Variants in PREX1 observed in about 807,000 individuals in gnomAD.
PREX1 encodes phosphatidylinositol 3,4,5-trisphosphate-dependent Rac exchanger 1 protein.
Under a neutral mutation model 198.3 loss-of-function variants are expected in PREX1, and 41 were observed. That is an observed-to-expected ratio of 0.21 (90% confidence interval 0.16 to 0.27). PREX1 has a LOEUF of 0.27. Ranked by LOEUF, PREX1 falls within the 10% of genes least tolerant of loss-of-function variation. PREX1 has a pLI of 1.00. For missense variants in PREX1, 1,620 were observed against 2,200.7 expected, an observed-to-expected ratio of 0.74 and a Z score of 5.28; for synonymous variants, 843 against 887.2, an observed-to-expected ratio of 0.95 and a Z score of 0.89.
the PREX1 span, among the ~76,000 whole-genome samples, chr20:48,851,944 T>C: frequency 6.6e-6 from 1 of 152,146 alleles, no homozygotes; most frequent in South Asian, 2.1e-4. Flanking sequence ...ATGGGATTAT[T>C]TGCCAAAAAT....
chr20:48,737,049 A>G (rs1357838741), intron 3 of PREX1, among the ~76,000 whole-genome samples: 1 of 152,140 alleles, frequency 6.6e-6, no homozygotes, highest in East Asian at 1.9e-4. Context: ...AGGTGAATTT[A>G]TATTAAGGGA....
chr20:48,752,090 TA>T (rs2090136530), intron 1 of PREX1, among the ~76,000 whole-genome samples: 1 of 152,108 alleles, frequency 6.6e-6, no homozygotes, highest in South Asian at 2.1e-4. Context: ...GCCCCAGCAG[TA>T]TGCACTCGAG....
chr20:48,816,042 A>C (rs1306357569), intron 1 of PREX1, among the ~76,000 whole-genome samples: 6 of 151,586 alleles, frequency 4.0e-5, no homozygotes, highest in Non-Finnish European at 7.4e-5. Context: ...AAAAAAAAAA[A>C]AAAACAGAGA....
chr20:48,730,472 A>G (rs2090030283), intron 4 of PREX1, among the ~76,000 whole-genome samples: 1 of 152,068 alleles, frequency 6.6e-6, no homozygotes. Flanking sequence ...GATGCCGTTC[A>G]TAGACGATGC....
intron 7 of PREX1, among the ~76,000 whole-genome samples, chr20:48,697,120 C>T (rs1013583786): frequency 4.6e-5 from 7 of 152,086 alleles, no homozygotes; most frequent in Non-Finnish European, 1.0e-4. Flanking sequence ...CCTTTAGACA[C>T]AATTTAAGTG....
chr20:48,794,112 T>C (rs1003447427), intron 1 of PREX1, among the ~76,000 whole-genome samples: 1 of 151,992 alleles, frequency 6.6e-6, no homozygotes, highest in African/African-American at 2.4e-5. Flanking sequence ...AACACCCCCA[T>C]AATTTGGAGC....
At chr20:48,813,735 A>G (rs2090446698) in intron 1 of PREX1, among the ~76,000 whole-genome samples, 1 of 152,214 alleles carries the variant, frequency 6.6e-6, no homozygotes, top group Admixed American at 6.5e-5. Context: ...TGAAAAGAAC[A>G]TATTAAATTG....
chr20:48,783,908 ATG>A (rs58683347), intron 1 of PREX1, among the ~76,000 whole-genome samples: 2,461 of 152,296 alleles, frequency 0.016, 67 homozygotes, highest in African/African-American at 0.057. Context: ...TGTCCCCTCC[ATG>A]TCTTTATGGA....
chr20:48,786,040 T>C (rs1248244092), intron 1 of PREX1, among the ~76,000 whole-genome samples: 2 of 151,956 alleles, frequency 1.3e-5, no homozygotes, highest in African/African-American at 4.8e-5. Context: ...AGCGGGCTCA[T>C]GGATCACAGC....
intron 25 of PREX1, among the ~76,000 whole-genome samples, chr20:48,646,621 G>A (rs564701050): frequency 1.9e-4 from 29 of 151,388 alleles, no homozygotes; most frequent in Non-Finnish European, 3.1e-4. Context: ...CCTGGGAGGC[G>A]GAGGTTGAAG....
intron 1 of PREX1, among the ~76,000 whole-genome samples, chr20:48,818,737 A>T (rs2090470041): frequency 6.6e-6 from 1 of 152,232 alleles, no homozygotes; most frequent in Admixed American, 6.5e-5. Context: ...CGATCCCGCC[A>T]AACAGTTTTT....
At chr20:48,854,187 G>T in the PREX1 span, among the ~76,000 whole-genome samples, 1 of 152,114 alleles carries the variant, frequency 6.6e-6, no homozygotes, top group Non-Finnish European at 1.5e-5. Context: ...GTAGTGGTTG[G>T]GGGAGGGTAG....
At position 48,636,398 on chromosome 20, in the gene PREX1, G is replaced by T. The variant is rs891758750; in HGVS notation, c.4167+65C>A. On this transcript the variant is annotated intron_variant, in intron 32 of 39. Coordinates refer to ENST00000371941, the MANE Select transcript of PREX1 (RefSeq NM_020820.4). ...TGAGTAAGTGGGCAAGGGCTCCCTCGACCCGGCCTGGGCGGGCACCAGTGG... is the reference window on the plus strand; with the variant it reads ...TGAGTAAGTGGGCAAGGGCTCCCTCTACCCGGCCTGGGCGGGCACCAGTGG... The T allele has an allele frequency of 1.8e-5, 27 of 1,490,138 alleles. No homozygotes were observed. In the African/African-American group the frequency reaches 2.8e-4, roughly 15 times the overall value. 92.3% of individuals were successfully genotyped at this position (1,490,138 alleles called of 1,614,324 possible). A position where few individuals can be genotyped will look rare whatever the true frequency, so the allele number is the denominator to read the frequency against.
intron 1 of PREX1, among the ~76,000 whole-genome samples, chr20:48,780,745 C>T (rs959376648): frequency 6.6e-6 from 1 of 152,132 alleles, no homozygotes; most frequent in South Asian, 2.1e-4. Context: ...TATCACAGGC[C>T]AGACCCACCG....
intron 4 of PREX1, among the ~76,000 whole-genome samples, chr20:48,730,414 C>CAT (rs1491291539): frequency 2.8e-4 from 10 of 35,590 alleles, no homozygotes; most frequent in African/African-American, 2.7e-3. Flanking sequence ...CAAAAGCCAC[C>CAT]ACACACACAC....
the PREX1 span, among the ~76,000 whole-genome samples, chr20:48,837,984 T>C: frequency 6.6e-6 from 1 of 152,082 alleles, no homozygotes; most frequent in Non-Finnish European, 1.5e-5. Context: ...TACAAAAAGG[T>C]ATTATACATG....
the PREX1 span, among the ~76,000 whole-genome samples, chr20:48,853,502 G>C: frequency 1.3e-5 from 2 of 149,492 alleles, no homozygotes; most frequent in Non-Finnish European, 2.9e-5. Context: ...GAGATAGCAT[G>C]GGGGGAACCA....
upstream of PREX1, among the ~76,000 whole-genome samples, chr20:48,829,681 CTT>C (rs1733802507): frequency 6.6e-6 from 1 of 152,160 alleles, no homozygotes; most frequent in Non-Finnish European, 1.5e-5. Context: ...TGCTTTGTGA[CTT>C]TAAACTGTTC....
the PREX1 span, among the ~76,000 whole-genome samples, chr20:48,883,563 T>C: frequency 6.6e-6 from 1 of 152,104 alleles, no homozygotes; most frequent in East Asian, 1.9e-4. Context: ...GGATATAAGA[T>C]CAACATACAA....
Sources: allele counts gnomAD v4.1 joint callset (sites outside exome capture counted in the v4.1 genomes callset), GRCh38; gene constraint gnomAD v4.1.1; transcripts MANE v1.5; gene names NCBI Gene and HGNC (gene_info 2026-07-23, HGNC 2026-07-21).